Variants in RAD51B observed in about 807,000 individuals in gnomAD.
RAD51B encodes the protein DNA repair protein RAD51 homolog 2.
Under a neutral mutation model 42.2 loss-of-function variants are expected in RAD51B, and 38 were observed. The observed-to-expected ratio is 0.90, with a 90% CI of 0.70 to 1.18. RAD51B has a LOEUF of 1.18. Ranked by LOEUF, RAD51B falls within the 50% of genes most tolerant of loss-of-function variation. RAD51B has a pLI of 0.00. For missense variants in RAD51B, 373 were observed against 400.7 expected (o/e 0.93, Z 0.59); for synonymous variants, 154 against 145.2 (o/e 1.06, Z -0.43).
rs191329814 is a variant in RAD51B at position 67,901,591 on chromosome 14, A to G, written c.756+14387A>G. Among the ~76,000 whole-genome samples the G allele has an allele frequency of 2.0e-5, 3 of 152,330 alleles. No individual in the cohort carries two copies. The East Asian group carries it at 5.8e-4, about 29-fold the overall frequency. On this transcript the variant is annotated intron_variant, in intron 7 of 10. Transcript: ENST00000471583. Reference sequence around the variant, plus strand: ...TTGGGAATCACACTCTGAAGATTAAACATTTCACTGAGACAGCATGACGCA... The same window carrying G: ...TTGGGAATCACACTCTGAAGATTAAGCATTTCACTGAGACAGCATGACGCA...
chr14:68,541,362 A>T (rs1056013087), intron 10 of RAD51B: 1 of 985,344 alleles, frequency 1.0e-6, no homozygotes, highest in Admixed American at 6.1e-5. Context: ...CCAGCAGGAG[A>T]AATGCCATAG....
At chr14:67,822,727 C>T (rs1369698943) in intron 1 of RAD51B, among the ~76,000 whole-genome samples, 2 of 151,394 alleles carry the variant, frequency 1.3e-5, no homozygotes, top group Non-Finnish European at 2.9e-5. Flanking sequence ...GTCTCGCTCT[C>T]TCTCTCTCTC....
chr14:67,885,315 T>G (rs752421158), intron 5 of RAD51B, among the ~76,000 whole-genome samples: 3 of 152,202 alleles, frequency 2.0e-5, no homozygotes, highest in Non-Finnish European at 4.4e-5. Flanking sequence ...ATTCAGTGTT[T>G]AGAAAATCAT....
chr14:68,044,441 C>T (rs1350127201), intron 7 of RAD51B, among the ~76,000 whole-genome samples: 2 of 152,072 alleles, frequency 1.3e-5, no homozygotes, highest in Admixed American at 1.3e-4. Context: ...GCTTAAAAGT[C>T]AAAACACAAG....
At chr14:68,458,200 T>C (rs1236668816) in intron 9 of RAD51B, among the ~76,000 whole-genome samples, 1 of 152,156 alleles carries the variant, frequency 6.6e-6, no homozygotes, top group Non-Finnish European at 1.5e-5. Flanking sequence ...AGGGCCTTGG[T>C]CTGTCACCCA....
At chr14:68,011,950 T>G (rs996043907) in intron 7 of RAD51B, among the ~76,000 whole-genome samples, 1 of 152,138 alleles carries the variant, frequency 6.6e-6, no homozygotes, top group African/African-American at 2.4e-5. Flanking sequence ...GTGTTCAGTG[T>G]TTTATCAATC....
At chr14:68,510,465 C>T (rs987008806) in intron 10 of RAD51B, among the ~76,000 whole-genome samples, 2 of 152,186 alleles carry the variant, frequency 1.3e-5, no homozygotes, top group African/African-American at 2.4e-5. Flanking sequence ...GTGTATGGAG[C>T]GCCAAGGCAG....
At chr14:68,208,373 C>T (rs962813157) in intron 7 of RAD51B, among the ~76,000 whole-genome samples, 5 of 152,196 alleles carry the variant, frequency 3.3e-5, no homozygotes, top group Non-Finnish European at 5.9e-5. Flanking sequence ...ATCATTTTGA[C>T]TGCTGAGACA....
intron 7 of RAD51B, among the ~76,000 whole-genome samples, chr14:68,263,844 T>C (rs1261569258): frequency 6.6e-6 from 1 of 152,174 alleles, no homozygotes; most frequent in Non-Finnish European, 1.5e-5. Flanking sequence ...CATCAGAAAC[T>C]AGAATGCAGA....
intron 7 of RAD51B, among the ~76,000 whole-genome samples, chr14:68,085,611 A>G (rs919313434): frequency 6.6e-6 from 1 of 152,244 alleles, no homozygotes; most frequent in Non-Finnish European, 1.5e-5. Context: ...AAAAAGCATC[A>G]GTGGCCTTTT....
chr14:68,409,803 G>T (rs762332464), intron 8 of RAD51B, among the ~76,000 whole-genome samples: 3 of 152,158 alleles, frequency 2.0e-5, no homozygotes, highest in Non-Finnish European at 4.4e-5. Context: ...TTTAAGTAGG[G>T]GAATGATGTG....
At chr14:68,606,252 A>G (rs1313814932) in intron 10 of RAD51B, among the ~76,000 whole-genome samples, 1 of 152,148 alleles carries the variant, frequency 6.6e-6, no homozygotes, top group East Asian at 1.9e-4. Context: ...CTGCCTAGTG[A>G]GGCTCGAATA....
At chr14:68,214,675 G>A (rs2079777828) in intron 7 of RAD51B, among the ~76,000 whole-genome samples, 2 of 152,180 alleles carry the variant, frequency 1.3e-5, no homozygotes, top group East Asian at 1.9e-4. Context: ...GTTTGTTCAC[G>A]AGTGTTTTGA....
At chr14:68,237,904 T>A (rs1422356968) in intron 7 of RAD51B, among the ~76,000 whole-genome samples, 1 of 152,044 alleles carries the variant, frequency 6.6e-6, no homozygotes, top group African/African-American at 2.4e-5. Flanking sequence ...CCAGCTGATC[T>A]TTTGTATTTT....
At chr14:68,356,364 G>C (rs1373586466) in intron 8 of RAD51B, among the ~76,000 whole-genome samples, 1 of 151,248 alleles carries the variant, frequency 6.6e-6, no homozygotes, top group Non-Finnish European at 1.5e-5. Flanking sequence ...GAACCCAGGA[G>C]GCGGAGCTTG....
chr14:68,504,301 T>G (rs1004843146), intron 10 of RAD51B, among the ~76,000 whole-genome samples: 4 of 152,168 alleles, frequency 2.6e-5, no homozygotes, highest in Non-Finnish European at 5.9e-5. Flanking sequence ...GGAAAGAAGG[T>G]GGGCAAAACC....
intron 10 of RAD51B, among the ~76,000 whole-genome samples, chr14:68,588,777 A>G (rs536434208): frequency 9.5e-4 from 144 of 152,162 alleles, no homozygotes; most frequent in African/African-American, 3.4e-3. Flanking sequence ...GTTTTAACCC[A>G]CTTTTCTTTG....
At chr14:68,373,295 A>G (rs922905038) in intron 8 of RAD51B, among the ~76,000 whole-genome samples, 3 of 152,200 alleles carry the variant, frequency 2.0e-5, no homozygotes, top group African/African-American at 7.2e-5. Flanking sequence ...ACAGATGAAA[A>G]CATAGAGGCC....
At chr14:68,378,790 T>C (rs1264824369) in intron 8 of RAD51B, among the ~76,000 whole-genome samples, 1 of 152,188 alleles carries the variant, frequency 6.6e-6, no homozygotes, top group African/African-American at 2.4e-5. Flanking sequence ...GATCTCAAGA[T>C]TGAATACTCA....
Sources: allele counts gnomAD v4.1 joint callset (sites outside exome capture counted in the v4.1 genomes callset), GRCh38; gene constraint gnomAD v4.1.1; transcripts MANE v1.5; gene names NCBI Gene and HGNC (gene_info 2026-07-23, HGNC 2026-07-21).